Variants in CREB3L2 observed in about 807,000 individuals in gnomAD.
The protein encoded by CREB3L2 is cAMP responsive element binding protein 3 like 2.
A neutral mutation model predicts 57.2 loss-of-function variants in CREB3L2; 23 were observed. The ratio of observed to expected loss-of-function variants is 0.40; its 90% CI spans 0.29 to 0.57. CREB3L2 has a LOEUF of 0.57. Ranked by LOEUF, CREB3L2 falls within the 20% of genes least tolerant of loss-of-function variation. CREB3L2 has a pLI of 0.42. For missense variants in CREB3L2, 628 were observed against 634.7 expected (o/e 0.99, Z 0.11); for synonymous variants, 268 against 265.1 (o/e 1.01, Z -0.11).
intron 8 of CREB3L2, among the ~76,000 whole-genome samples, chr7:137,890,448 T>A (rs1217248078): frequency 6.6e-6 from 1 of 152,166 alleles, no homozygotes; most frequent in Non-Finnish European, 1.5e-5. Context: ...CATATATATA[T>A]CAGGAGGATT....
intron 1 of CREB3L2, chr7:137,936,029 G>C: frequency 3.1e-6 from 2 of 637,264 alleles, no homozygotes; most frequent in South Asian, 7.0e-5. Context: ...AACAAAGTGG[G>C]AGGAAAAGGA....
Position 137,946,955 on chromosome 7 carries a change from T to C in CREB3L2, c.103-18589A>G, listed in dbSNP as rs1176277245. Among the ~76,000 whole-genome samples the C allele has an allele frequency of 2.5e-5, 3 of 120,288 alleles. 1 individual carries two copies. The highest frequency in any genetic ancestry group is 5.0e-5 in the Non-Finnish European group (3 of 60,594). The allele number at this position is 120,288 out of a possible 152,430, so 78.9% of individuals were successfully genotyped here. A position where few individuals can be genotyped will look rare whatever the true frequency, so the allele number is the denominator to read the frequency against. On this transcript the variant is annotated intron_variant, in intron 1 of 11. Transcript: ENST00000330387. ...ATATAGTTATATATATAGTTATATA[T>C]ATATAGTTATATATATAGTTATATA...
chr7:137,917,994 G>A (rs887891229), intron 2 of CREB3L2, among the ~76,000 whole-genome samples: 17 of 152,078 alleles, frequency 1.1e-4, no homozygotes, highest in Admixed American at 7.9e-4. Context: ...GACTCAGACC[G>A]TGCCCCAGCT....
At chr7:137,886,650 G>C (rs1799426003) in intron 8 of CREB3L2, among the ~76,000 whole-genome samples, 1 of 151,868 alleles carries the variant, frequency 6.6e-6, no homozygotes, top group African/African-American at 2.4e-5. Context: ...CAAGCCCAGA[G>C]TCAAGGGTCT....
chr7:137,964,646 T>C (rs1306781851), intron 1 of CREB3L2, among the ~76,000 whole-genome samples: 1 of 152,236 alleles, frequency 6.6e-6, no homozygotes, highest in Non-Finnish European at 1.5e-5. Context: ...AACAATCCAA[T>C]ATTGAAAACA....
rs1178265895 is a variant in CREB3L2, at chr7:137,980,008, G to A, written c.102+21596C>T. 6.6e-6 allele frequency among the ~76,000 whole-genome samples: 1 copy of A among 152,188 alleles called. No individual in the cohort carries two copies. The highest frequency in any genetic ancestry group is 1.5e-5 in the Non-Finnish European group (1 of 68,036). On this transcript the variant is annotated intron_variant, in intron 1 of 11. Coordinates refer to ENST00000330387, the MANE Select transcript of CREB3L2 (RefSeq NM_194071.4). This position sits in a 1 kb window ranked among gnomAD's most constrained non-coding sequence, Gnocchi z 4.3. ...GTGAGTCCAATCAGCCTCACAGGAG[G>A]CAGCAGAATATTCTAGCCAGCAGTT...
chr7:137,879,498 G>C lies in CREB3L2; in HGVS notation c.*978C>G, dbSNP rs996625618. On this transcript the variant is annotated 3_prime_UTR_variant, in exon 12 of 12. Coordinates refer to ENST00000330387, the MANE Select transcript of CREB3L2 (RefSeq NM_194071.4). ...TGAGTGAGGCATTGTGTCATCTCTC[G>C]CTCTGAGCTCATCCTAGAGGCAGAC... 6.1e-6 allele frequency: 2 copies of C among 329,042 alleles called. No homozygotes were observed. The highest frequency in any genetic ancestry group is 1.2e-5 in the Non-Finnish European group (2 of 173,282). The allele number at this position is 329,042 out of a possible 1,614,324, so 20.4% of individuals were successfully genotyped here. A position where few individuals can be genotyped will look rare whatever the true frequency, so the allele number is the denominator to read the frequency against.
chr7:137,907,277 T>C (rs922648713), intron 5 of CREB3L2, among the ~76,000 whole-genome samples: 7 of 152,120 alleles, frequency 4.6e-5, no homozygotes, highest in African/African-American at 9.7e-5. Context: ...AAATACAACA[T>C]AGTTGTTGGG....
At chr7:137,972,212 G>A (rs992506343) in intron 1 of CREB3L2, among the ~76,000 whole-genome samples, 10 of 152,128 alleles carry the variant, frequency 6.6e-5, no homozygotes, top group South Asian at 2.1e-4. Context: ...AAGCTGAGGC[G>A]GGCGGATCAC....
At chr7:137,975,802 T>C (rs1399557582) in intron 1 of CREB3L2, among the ~76,000 whole-genome samples, 2 of 152,218 alleles carry the variant, frequency 1.3e-5, no homozygotes, top group Non-Finnish European at 2.9e-5. Context: ...ATGAAACAGC[T>C]TTTATTCTTC....
In CREB3L2 at chr7:138,002,025, A is replaced by G. The variant is rs1184773452; in HGVS notation, c.-320T>C. 1 of 334,128 alleles carries G rather than the reference A, an allele frequency of 3.0e-6. No individual in the cohort carries two copies. The highest frequency in any genetic ancestry group is 4.9e-5 in the East Asian group (1 of 20,542). The allele number at this position is 334,128 out of a possible 1,614,324, so 20.7% of individuals were successfully genotyped here. On this transcript the variant is annotated 5_prime_UTR_variant, in exon 1 of 12. Transcript: ENST00000330387. Reference sequence around the variant, plus strand: ...ATCCCAGGAAAATCCCTTAGCCGCAAGCCCACTTGCCGCTACGGCTCCAGA... The same window carrying G: ...ATCCCAGGAAAATCCCTTAGCCGCAGGCCCACTTGCCGCTACGGCTCCAGA...
intron 8 of CREB3L2, among the ~76,000 whole-genome samples, chr7:137,886,162 A>G (rs1278134262): frequency 6.6e-6 from 1 of 152,234 alleles, no homozygotes; most frequent in African/African-American, 2.4e-5. Context: ...GACCTCGTTT[A>G]TTACATTTTG....
chr7:137,957,786 A>C (rs1801245235), intron 1 of CREB3L2: 1 of 1,288,304 alleles, frequency 7.8e-7, no homozygotes, highest in Non-Finnish European at 1.0e-6. Flanking sequence ...AGAGTGGTAA[A>C]TGCAATGACA....
At chr7:137,901,576 G>A (rs1345754224) in intron 7 of CREB3L2, among the ~76,000 whole-genome samples, 154 bp from the exon 8 acceptor site, 1 of 148,300 alleles carries the variant, frequency 6.7e-6, no homozygotes, top group Non-Finnish European at 1.5e-5. Context: ...AGGATGAAGA[G>A]ACTTAAGAAA....
chr7:137,960,423 A>AG (rs1312262175), intron 1 of CREB3L2, among the ~76,000 whole-genome samples: 1 of 152,192 alleles, frequency 6.6e-6, no homozygotes, highest in Non-Finnish European at 1.5e-5. Context: ...ACACACACAC[A>AG]GGGGGGTGGG....
intron 8 of CREB3L2, among the ~76,000 whole-genome samples, chr7:137,898,531 T>G (rs1799672604): frequency 2.0e-5 from 3 of 152,312 alleles, no homozygotes; most frequent in South Asian, 4.1e-4. Flanking sequence ...ATGATAGAAT[T>G]CTATAAGGCT....
intron 2 of CREB3L2, among the ~76,000 whole-genome samples, chr7:137,927,423 AAGGG>A (rs556481414): frequency 1.7e-4 from 24 of 145,396 alleles, no homozygotes; most frequent in African/African-American, 5.6e-4. Context: ...GAAGGGAAGC[AAGGG>A]AGGGAGGGGA....
rs1585600646 is a variant in CREB3L2, at chr7:137,896,238, T to G, written c.1043+5116A>C. 2.0e-5 allele frequency among the ~76,000 whole-genome samples: 3 copies of G among 152,238 alleles called. No individual in the cohort carries two copies. The East Asian group carries it at 5.8e-4, about 29-fold the overall frequency. ...AGGAACTCTAGGTCTATTCCCCATT[T>G]GAGCGAAGCAGCCCTGCTTTTATCT... is the stretch of plus-strand genomic sequence containing the variant. On this transcript the variant is annotated intron_variant, in intron 8 of 11. Transcript: ENST00000330387.
In CREB3L2 at chr7:137,875,731, T is replaced by C. The variant is rs1799134997; in HGVS notation, c.*4745A>G. 9.0e-6 allele frequency: 2 copies of C among 223,334 alleles called. No individual in the cohort carries two copies. Among genetic ancestry groups the C allele is most frequent in the Non-Finnish European group, 1.8e-5 (2 of 111,820 alleles). 13.8% of individuals were successfully genotyped at this position (223,334 alleles called of 1,614,324 possible). On this transcript the variant is annotated 3_prime_UTR_variant, in exon 12 of 12. Transcript: ENST00000330387. ...ATTTCCCATATTACTTAGTTCTTTA[T>C]TCATCCTGTGGTAAAGAGTCACCCT...
Sources: allele counts gnomAD v4.1 joint callset (sites outside exome capture counted in the v4.1 genomes callset), GRCh38; gene constraint gnomAD v4.1.1; non-coding constraint Gnocchi (gnomAD v3.1); transcripts MANE v1.5; gene names NCBI Gene and HGNC (gene_info 2026-07-23, HGNC 2026-07-21).